The following MTMR7 variants were observed in gnomAD, a reference collection of about 807,000 sequenced individuals.
The protein encoded by MTMR7 is phosphatidylinositol-3-phosphate phosphatase MTMR7.
MTMR7 carries 76 observed loss-of-function variants against 81.2 expected under a neutral mutation model. The observed-to-expected ratio is 0.94, with a 90% CI of 0.78 to 1.13. The LOEUF (loss-of-function observed/expected upper bound fraction) is 1.13, where lower values mean the gene tolerates loss of function less well. Among genes scored for constraint, MTMR7 ranks in the 50% most tolerant of loss-of-function variants. MTMR7 has a pLI of 0.00. For missense variants in MTMR7, 1,044 were observed against 820.0 expected (o/e 1.27, Z -3.34); for synonymous variants, 372 against 289.8 (o/e 1.28, Z -2.88).
intron 7 of MTMR7, among the ~76,000 whole-genome samples, chr8:17,324,775 C>G (rs962587648): frequency 2.0e-5 from 3 of 152,126 alleles, no homozygotes; most frequent in Non-Finnish European, 4.4e-5. Flanking sequence ...GAAACCTAGG[C>G]CAAGGTGCCA....
intron 1 of MTMR7, among the ~76,000 whole-genome samples, chr8:17,401,308 G>T (rs181581996): frequency 3.3e-5 from 5 of 152,100 alleles, no homozygotes. Context: ...TCTAAGGAAA[G>T]CAAGTTCCAG....
chr8:17,393,463 C>A (rs900640336), intron 1 of MTMR7, among the ~76,000 whole-genome samples: 1 of 152,088 alleles, frequency 6.6e-6, no homozygotes, highest in Non-Finnish European at 1.5e-5. Flanking sequence ...AAAATATTTG[C>A]AAGTCACATA....
At chr8:17,355,815 C>G (rs1479786350) in intron 4 of MTMR7, among the ~76,000 whole-genome samples, 1 of 152,118 alleles carries the variant, frequency 6.6e-6, no homozygotes, top group Non-Finnish European at 1.5e-5. Context: ...TCAACATGAA[C>G]AGCCAAGAAA....
At chr8:17,404,075 C>G (rs1002289727) in intron 1 of MTMR7, among the ~76,000 whole-genome samples, 1 of 151,802 alleles carries the variant, frequency 6.6e-6, no homozygotes, top group African/African-American at 2.4e-5. Flanking sequence ...AGGAGACCCA[C>G]GAAAGAAGTC....
intron 6 of MTMR7, 123 bp downstream of exon 6, chr8:17,341,240 C>T (rs959787486): frequency 7.5e-6 from 10 of 1,325,284 alleles, no homozygotes; most frequent in Non-Finnish European, 1.0e-5. Context: ...CTGACTATGC[C>T]AAGAGGAACC....
intron 1 of MTMR7, among the ~76,000 whole-genome samples, chr8:17,401,738 T>C (rs1249371262): frequency 6.6e-6 from 1 of 152,032 alleles, no homozygotes; most frequent in Non-Finnish European, 1.5e-5. Context: ...AGTTATTGGC[T>C]CCAGCACTGG....
rs563494874 is a variant in MTMR7, at chr8:17,404,415, T to A, written c.24+8854A>T. Among the ~76,000 whole-genome samples, 17 of 152,298 alleles carry A rather than the reference T, an allele frequency of 1.1e-4. No individual in the cohort carries two copies. In the East Asian group the frequency reaches 3.3e-3, roughly 29 times the overall value. On this transcript the variant is annotated intron_variant, in intron 1 of 13. Transcript: ENST00000180173. ...GGACATAGTGAAATTGAGGTACCTA[T>A]TAGATATACAAATTATTTTCTTAAT... is the stretch of plus-strand genomic sequence containing the variant.
At chr8:17,365,489 C>G (rs75755718) in intron 3 of MTMR7, among the ~76,000 whole-genome samples, 5,281 of 152,228 alleles carry the variant, frequency 0.035, 500 homozygotes, top group East Asian at 0.32. Context: ...ACTCTTAAAA[C>G]AGGCATGTTA....
At chr8:17,372,096 A>T (rs1820439500) in intron 2 of MTMR7, among the ~76,000 whole-genome samples, 1 of 152,040 alleles carries the variant, frequency 6.6e-6, no homozygotes, top group Non-Finnish European at 1.5e-5. Context: ...TTAACTTTAA[A>T]GGAAATCATA....
intron 4 of MTMR7, among the ~76,000 whole-genome samples, chr8:17,359,671 T>C (rs965244199): frequency 6.6e-6 from 1 of 150,812 alleles, no homozygotes; most frequent in African/African-American, 2.4e-5. Flanking sequence ...GAAATGGTCA[T>C]TTATCAGGAG....
At chr8:17,329,425 T>A (rs1818876576) in intron 7 of MTMR7, among the ~76,000 whole-genome samples, 1 of 152,224 alleles carries the variant, frequency 6.6e-6, no homozygotes, top group Admixed American at 6.5e-5. Flanking sequence ...AACAGACAGC[T>A]GCCCTCCAGA....
At chr8:17,377,472 T>C (rs1820625480) in intron 1 of MTMR7, among the ~76,000 whole-genome samples, 1 of 152,132 alleles carries the variant, frequency 6.6e-6, no homozygotes, top group South Asian at 2.1e-4. Context: ...GGTTTTTCTT[T>C]AAAGTAACAG....
chr8:17,327,686 A>G (rs1441110462), intron 7 of MTMR7, among the ~76,000 whole-genome samples: 1 of 152,218 alleles, frequency 6.6e-6, no homozygotes, highest in African/African-American at 2.4e-5. Context: ...TGTCTGTCTA[A>G]GCCAATTTAA....
chr8:17,300,122 T>A lies in MTMR7; in HGVS notation c.1723A>T (p.Ile575Leu). ...HSGFSTSDNS[I>L]ANTPQDYSGN... ...CTGTAATCCTGGGGAGTGTTGGCTA[T>A]GCTGTTGTCTGAGGTAGAAAACCCT... The change falls in exon 14 of 14, where the codon ATA becomes TTA. Residue 575 changes from isoleucine (I) to leucine (L), a missense_variant. Coordinates refer to ENST00000180173, the MANE Select transcript of MTMR7 (RefSeq NM_004686.5). 1.2e-6 allele frequency: 2 copies of A among 1,614,172 alleles called. No individual in the cohort carries two copies. Among genetic ancestry groups the A allele is most frequent in the Non-Finnish European group, 1.7e-6 (2 of 1,180,012 alleles).
intron 4 of MTMR7, among the ~76,000 whole-genome samples, chr8:17,359,421 G>A (rs1377247388): frequency 6.6e-6 from 1 of 151,818 alleles, no homozygotes; most frequent in Non-Finnish European, 1.5e-5. Context: ...AACATGGGGA[G>A]AACTTATTCC....
chr8:17,369,333 G>T (rs1479350248), intron 3 of MTMR7, among the ~76,000 whole-genome samples: 1 of 152,164 alleles, frequency 6.6e-6, no homozygotes, highest in East Asian at 1.9e-4. Context: ...AAGAGTAACA[G>T]TGCAAAGTAA....
In MTMR7 at chr8:17,331,264, G is replaced by A. The variant is rs866932036; in HGVS notation, c.751C>T (p.Arg251Cys). The change falls in exon 7 of 14, where the codon CGT becomes TGT. Residue 251 changes from arginine (R) to cysteine (C), a missense_variant. Transcript: ENST00000180173. ...TTCTCATAGCCTTTCCCTGCAGCAC[G>A]ATTTGCCATTGCATTAAGCTGCAGT... ...TRPKLNAMAN[R>C]AAGKGYENED... 3.1e-6 allele frequency: 5 copies of A among 1,607,520 alleles called. No individual in the cohort carries two copies. Among genetic ancestry groups the A allele is most frequent in the Middle Eastern group, 1.6e-4 (1 of 6,068 alleles).
chr8:17,405,593 G>A (rs1003699622), intron 1 of MTMR7, among the ~76,000 whole-genome samples: 1 of 152,022 alleles, frequency 6.6e-6, no homozygotes, highest in Non-Finnish European at 1.5e-5. Flanking sequence ...TGCTACTAAG[G>A]AAGAAGCTAT....
intron 7 of MTMR7, 47 bp from the exon 8 acceptor site, chr8:17,313,448 A>C (rs2150491226): frequency 2.8e-5 from 33 of 1,199,304 alleles, no homozygotes; most frequent in Non-Finnish European, 4.0e-5. Flanking sequence ...GTACTCTCTC[A>C]TTTTACATAT....
Sources: allele counts gnomAD v4.1 joint callset (sites outside exome capture counted in the v4.1 genomes callset), GRCh38; gene constraint gnomAD v4.1.1; transcripts MANE v1.5; gene names NCBI Gene and HGNC (gene_info 2026-07-23, HGNC 2026-07-21).